Variants in PLEKHA8 observed in about 807,000 individuals in gnomAD.
PLEKHA8 encodes the protein pleckstrin homology domain-containing family A member 8.
PLEKHA8 carries 36 observed loss-of-function variants against 68.2 expected under a neutral mutation model. The ratio of observed to expected loss-of-function variants is 0.53; its 90% CI spans 0.40 to 0.70. The LOEUF is 0.70. Among genes scored for constraint, PLEKHA8 ranks in the 30% least tolerant of loss-of-function variants. The probability of loss-of-function intolerance (pLI) is 0.00; values close to 1 mark genes in which losing one functional copy is unlikely to be tolerated. For synonymous variants in PLEKHA8, 211 were observed against 216.1 expected (o/e 0.98, Z 0.20); for missense variants, 505 against 615.4 (o/e 0.82, Z 1.90).
intron 9 of PLEKHA8, among the ~76,000 whole-genome samples, chr7:30,056,677 C>T (rs1409977116): frequency 3.1e-5 from 4 of 129,306 alleles, no homozygotes; most frequent in South Asian, 2.3e-4. Context: ...TGCAGTGAGC[C>T]GAGATTGCAC....
At chr7:30,117,862 T>A in intron 13 of PLEKHA8, 1 of 626,684 alleles carries the variant, frequency 1.6e-6, no homozygotes, top group Non-Finnish European at 2.5e-6. Context: ...GAAACAGAAG[T>A]ATAACTACAC....
chr7:30,082,482 T>C lies in PLEKHA8; in HGVS notation c.*3695T>C. ...AGAGCTTCTTAAGAAGGAGCCCATATTCCCATTTGTAGCTGGAAAGCGGGT... is the reference window on the plus strand; with the variant it reads ...AGAGCTTCTTAAGAAGGAGCCCATACTCCCATTTGTAGCTGGAAAGCGGGT... On this transcript the variant is annotated 3_prime_UTR_variant, in exon 14 of 14. Transcript: ENST00000449726. 1.7e-5 allele frequency: 17 copies of C among 985,372 alleles called. No individual in the cohort carries two copies. Among genetic ancestry groups the C allele is most frequent in the Non-Finnish European group, 2.0e-5 (17 of 829,938 alleles). 61.0% of individuals were successfully genotyped at this position (985,372 alleles called of 1,614,324 possible).
intron 12 of PLEKHA8, chr7:30,072,217 T>C (rs1260760138): frequency 2.0e-5 from 3 of 152,256 alleles, no homozygotes; most frequent in Non-Finnish European, 4.4e-5. Flanking sequence ...GCTTCTGCTT[T>C]AGCTTTAACA....
chr7:30,042,698 G>A (rs1054121931), intron 1 of PLEKHA8, among the ~76,000 whole-genome samples: 1 of 152,174 alleles, frequency 6.6e-6, no homozygotes, highest in Non-Finnish European at 1.5e-5. Flanking sequence ...CCTGGGATTG[G>A]TTTCCTTATC....
At chr7:30,054,915 C>T in intron 8 of PLEKHA8, 50 bp downstream of exon 8, 1 of 1,507,880 alleles carries the variant, frequency 6.6e-7, no homozygotes, top group Non-Finnish European at 9.0e-7. Context: ...AACTTCCATT[C>T]TGGAAAATCA....
chr7:30,113,795 G>GAAACA (rs1796342888), intron 13 of PLEKHA8, among the ~76,000 whole-genome samples: 1 of 152,002 alleles, frequency 6.6e-6, no homozygotes, highest in Admixed American at 6.6e-5. Context: ...CCTCAGATGG[G>GAAACA]ACTTCTAATT....
intron 13 of PLEKHA8, among the ~76,000 whole-genome samples, chr7:30,117,206 A>G (rs1239517247): frequency 6.6e-6 from 1 of 152,160 alleles, no homozygotes; most frequent in Non-Finnish European, 1.5e-5. Context: ...AATCGATTCA[A>G]ACTCATGCCA....
intron 13 of PLEKHA8, among the ~76,000 whole-genome samples, chr7:30,114,646 G>A (rs1323275944): frequency 2.0e-5 from 3 of 152,178 alleles, no homozygotes; most frequent in Non-Finnish European, 4.4e-5. Flanking sequence ...TAAGTCAGCA[G>A]GATTTTGTCC....
At position 30,060,836 on chromosome 7, in the gene PLEKHA8, C is replaced by G. The variant is rs756208735; in HGVS notation, c.1040-48C>G. The stretch of plus-strand genomic sequence containing the variant: ...TATTACTTTATTATAAAAAATATTG[C>G]CACTTAAAAATTGCTTTTTCAGAAA... On this transcript the variant is annotated intron_variant, in intron 9 of 13. Transcript: ENST00000449726. 4.3e-5 allele frequency: 62 copies of G among 1,447,190 alleles called. No homozygotes were observed. In the East Asian group the frequency reaches 9.4e-4, roughly 22 times the overall value. 89.6% of individuals were successfully genotyped at this position (1,447,190 alleles called of 1,614,324 possible). A position where few individuals can be genotyped will look rare whatever the true frequency, so the allele number is the denominator to read the frequency against.
intron 12 of PLEKHA8, chr7:30,069,609 C>A (rs1048981966): frequency 1.3e-5 from 2 of 152,318 alleles, no homozygotes; most frequent in Admixed American, 6.5e-5. Context: ...TGTGCTGTTT[C>A]CATAACCAGG....
chr7:30,096,094 T>G lies in PLEKHA8; in HGVS notation c.1362+21962T>G, dbSNP rs1024631852. Among the ~76,000 whole-genome samples the G allele has an allele frequency of 5.7e-4, 87 of 152,264 alleles. 1 individual carries two copies. The highest frequency in any genetic ancestry group is 1.6e-3 in the African/African-American group (68 of 41,574). The stretch of plus-strand genomic sequence containing the variant: ...TTGGTAGCTTGATGGGGATGGCATT[T>G]AATCTATAAATTACCTTGGGCAGTA... On this transcript the variant is annotated intron_variant, in intron 13 of 13. Coordinates refer to the PLEKHA8 transcript ENST00000396257.
At chr7:30,076,896 A>G (rs1794641850) in intron 13 of PLEKHA8, among the ~76,000 whole-genome samples, 1 of 152,152 alleles carries the variant, frequency 6.6e-6, no homozygotes, top group African/African-American at 2.4e-5. Flanking sequence ...AAGGAATTTG[A>G]CTTATTTATC....
chr7:30,037,309 G>A (rs1328423960), intron 1 of PLEKHA8, among the ~76,000 whole-genome samples: 1 of 150,000 alleles, frequency 6.7e-6, no homozygotes, highest in African/African-American at 2.5e-5. Context: ...TTTTTTTCTT[G>A]GCATTAGTTA....
chr7:30,110,800 G>A (rs1343742432), intron 13 of PLEKHA8, among the ~76,000 whole-genome samples: 2 of 151,900 alleles, frequency 1.3e-5, no homozygotes, highest in South Asian at 2.1e-4. Context: ...GGTTAATGAT[G>A]TTGAGCATCT....
At chr7:30,098,104 T>C (rs1562548091) in intron 13 of PLEKHA8, among the ~76,000 whole-genome samples, 1 of 152,226 alleles carries the variant, frequency 6.6e-6, no homozygotes, top group East Asian at 1.9e-4. Flanking sequence ...CAGACCCTGT[T>C]TGCCTGGGTA....
intron 13 of PLEKHA8, chr7:30,115,962 GCATA>G (rs983375071): frequency 8.6e-6 from 1 of 116,730 alleles, no homozygotes; most frequent in South Asian, 2.5e-4. Context: ...ATACATGCAT[GCATA>G]CATGTGCATG....
chr7:30,040,089 T>G (rs1562854610), intron 1 of PLEKHA8, among the ~76,000 whole-genome samples: 1 of 152,248 alleles, frequency 6.6e-6, no homozygotes, highest in African/African-American at 2.4e-5. Flanking sequence ...GGGTGTTAGA[T>G]TTTTGTCAAG....
chr7:30,082,215 T>C lies in PLEKHA8; in HGVS notation c.*3428T>C. The C allele has an allele frequency of 2.0e-6, 2 of 985,458 alleles. No individual in the cohort carries two copies. Among genetic ancestry groups the C allele is most frequent in the Non-Finnish European group, 2.4e-6 (2 of 829,926 alleles). 61.0% of individuals were successfully genotyped at this position (985,458 alleles called of 1,614,324 possible). On this transcript the variant is annotated 3_prime_UTR_variant, in exon 14 of 14. Coordinates refer to ENST00000449726, the MANE Select transcript of PLEKHA8 (RefSeq NM_001197026.2). ...GATTATTAAACTTCCCCCAATGTCA[T>C]ATTCCATGATGAGGGATTTCTGAAC...
At chr7:30,046,932 G>C (rs942192196) in intron 3 of PLEKHA8, among the ~76,000 whole-genome samples, 1 of 152,188 alleles carries the variant, frequency 6.6e-6, no homozygotes, top group African/African-American at 2.4e-5. Context: ...CCAGAGAACT[G>C]TGGCCCAGCT....
Sources: gnomAD v4.1 joint callset for allele counts (sites outside exome capture counted in the v4.1 genomes callset) on GRCh38, gnomAD v4.1.1 for gene constraint, MANE v1.5 for transcripts, NCBI Gene and HGNC (gene_info 2026-07-23, HGNC 2026-07-21) for gene names.